KIF1B: variants seen among roughly 807,000 people sequenced by gnomAD.
KIF1B encodes kinesin family member 1B.
In KIF1B, 76 loss-of-function variants were observed where a neutral mutation model predicts 241.9. The observed-to-expected ratio is 0.31, with a 90% confidence interval of 0.26 to 0.38. The LOEUF is 0.38. Among genes scored for constraint, KIF1B ranks in the 10% least tolerant of loss-of-function variants. The pLI is 1.00. For missense variants in KIF1B, 1,622 were observed against 2,271.4 expected (o/e 0.71, Z 5.81); for synonymous variants, 750 against 796.7 (o/e 0.94, Z 0.99).
At chr1:10,359,198 C>T (rs1337685584) in intron 38 of KIF1B, among the ~76,000 whole-genome samples, 1 of 152,148 alleles carries the variant, frequency 6.6e-6, no homozygotes, top group African/African-American at 2.4e-5. Context: ...GGAGGATATG[C>T]CAGCTACTTA....
rs776937817 is a variant in KIF1B at position 10,337,328 on chromosome 1, T to A, written c.3260-43T>A. The A allele has an allele frequency of 6.2e-7, 1 of 1,613,914 alleles. No individual in the cohort carries two copies. The highest frequency in any genetic ancestry group is 8.5e-7 in the Non-Finnish European group (1 of 1,179,744). On this transcript the variant is annotated intron_variant, in intron 30 of 48. Coordinates refer to ENST00000676179, the MANE Select transcript of KIF1B (RefSeq NM_001365951.3). The surrounding 1 kb of genome is among the most constrained non-coding windows in gnomAD (Gnocchi z 4.0). Reference sequence around the variant, plus strand: ...AAAGCATGCCCAACTCCCTCCTCTTTGCATTATTTGAACCATCTGTGTCTT... The same window carrying A: ...AAAGCATGCCCAACTCCCTCCTCTTAGCATTATTTGAACCATCTGTGTCTT...
chr1:10,282,882 A>G (rs1327091011), intron 15 of KIF1B, among the ~76,000 whole-genome samples: 1 of 151,420 alleles, frequency 6.6e-6, no homozygotes, highest in Non-Finnish European at 1.5e-5. Flanking sequence ...GAAAGATGGA[A>G]TTCTGTGTAG....
intron 15 of KIF1B, among the ~76,000 whole-genome samples, chr1:10,289,850 C>CA (rs1553165231): frequency 6.6e-6 from 1 of 152,150 alleles, no homozygotes; most frequent in Non-Finnish European, 1.5e-5. Context: ...CACCACTGTA[C>CA]GCTAGCCTGG....
chr1:10,282,640 G>A, intron 15 of KIF1B, 107 bp downstream of exon 15: 1 of 944,346 alleles, frequency 1.1e-6, no homozygotes, highest in African/African-American at 1.6e-5. Context: ...AGAACTCTTT[G>A]ACTCTTAGAA....
chr1:10,234,152 G>A (rs971051104), intron 2 of KIF1B, among the ~76,000 whole-genome samples: 1 of 151,904 alleles, frequency 6.6e-6, no homozygotes, highest in Non-Finnish European at 1.5e-5. Flanking sequence ...TTGCAAGTTT[G>A]CTGTAATGTT....
chr1:10,337,681 C>G lies in KIF1B; in HGVS notation c.3422+148C>G, dbSNP rs1430344925. The G allele has an allele frequency of 1.1e-6, 1 of 925,804 alleles. No homozygotes were observed. The highest frequency in any genetic ancestry group is 1.6e-6 in the Non-Finnish European group (1 of 608,524). The allele number at this position is 925,804 out of a possible 1,614,324, so 57.3% of individuals were successfully genotyped here. ...CTGAAGGAAAATACTTTCATCACTC[C>G]TATGGGAGTGAGAACCAGAAACCTG... On this transcript the variant is annotated intron_variant, in intron 31 of 48. Coordinates refer to ENST00000676179, the MANE Select transcript of KIF1B (RefSeq NM_001365951.3). This position sits in a 1 kb window ranked among gnomAD's most constrained non-coding sequence, Gnocchi z 4.0.
rs1366230436 is a variant in KIF1B, at chr1:10,352,619, C to G, written c.3950-12C>G. ...TGTGTCCGTGCTCTGTTTTTTTTAT[C>G]CTTTCTTTTAGGTCGTATTCGGAAT... On this transcript the variant is annotated splice_polypyrimidine_tract_variant and intron_variant, in intron 37 of 48. Transcript: ENST00000676179. The G allele has an allele frequency of 6.2e-7, 1 of 1,603,114 alleles. No homozygotes were observed.
rs879403654 is a variant in KIF1B at position 10,313,887 on chromosome 1, A to AATT, written c.2116-6136_2116-6134dup. 6.4e-3 allele frequency among the ~76,000 whole-genome samples: 953 copies of AATT among 148,012 alleles called. 11 individuals are homozygous for AATT. Among genetic ancestry groups the AATT allele is most frequent in the Non-Finnish European group, 8.2e-3 (552 of 67,376 alleles). On this transcript the variant is annotated intron_variant, in intron 22 of 48. Transcript: ENST00000676179. ...TATAAACATAAATGTCTACTGAAAA[A>AATT]ATTATTATTATTATTATTATTACTG... is the stretch of plus-strand genomic sequence containing the variant.
At chr1:10,223,436 G>T (rs1646869994) in intron 1 of KIF1B, among the ~76,000 whole-genome samples, 1 of 151,856 alleles carries the variant, frequency 6.6e-6, no homozygotes, top group South Asian at 2.1e-4. Context: ...GTAGAGAAGT[G>T]ACAGAATAAC....
In KIF1B at chr1:10,379,867, G is replaced by A. The variant is rs968005025; in HGVS notation, c.*3280G>A. 5 of 229,518 alleles carry A rather than the reference G, an allele frequency of 2.2e-5. No homozygotes were observed. The highest frequency in any genetic ancestry group is 6.7e-5 in the African/African-American group (3 of 45,088). 14.2% of individuals were successfully genotyped at this position (229,518 alleles called of 1,614,324 possible). A position where few individuals can be genotyped will look rare whatever the true frequency, so the allele number is the denominator to read the frequency against. On this transcript the variant is annotated 3_prime_UTR_variant, in exon 49 of 49. Transcript: ENST00000676179. ...CTGTGCAGGGCCAGCCAGCCCATGC[G>A]CTAGTCAGGAGCACAGGCAAGGGGT...
rs775328436 is a variant in KIF1B at position 10,337,078 on chromosome 1, A to G, written c.3134A>G (p.Asp1045Gly). The G allele has an allele frequency of 3.1e-6, 5 of 1,613,976 alleles. No homozygotes were observed. The East Asian group carries it at 1.1e-4, about 36-fold the overall frequency. The change falls in exon 30 of 49, where the codon GAC becomes GGC. Residue 1045 changes from aspartate (D) to glycine (G), a missense_variant. Physicochemically the swap from Asp to Gly is moderately conservative, Grantham distance 94 (BLOSUM62 -1). This residue lies in a region of KIF1B where 803 missense variants were observed against 1,112.0 expected (regional missense o/e 0.72). Transcript: ENST00000676179. This position sits in a 1 kb window ranked among gnomAD's most constrained non-coding sequence, Gnocchi z 4.0. ...CTGCCCCTGCCTTTTTTTCAGAGTG[A>G]CTTTTCGTCTGTTGCAATGACTCGT... The part of the protein sequence containing the change: ...SFDNEYFNQS[D>G]FSSVAMTRSG...
At chr1:10,211,198 TC>T (rs1489986044) in intron 1 of KIF1B, among the ~76,000 whole-genome samples, 1 of 152,222 alleles carries the variant, frequency 6.6e-6, no homozygotes, top group Non-Finnish European at 1.5e-5. Context: ...TTCCCTGGGC[TC>T]CGCGCACGTT....
Position 10,282,382 on chromosome 1 carries a change from C to G in KIF1B, c.1283C>G (p.Pro428Arg), listed in dbSNP as rs771375467. ...TTGCTAGCCTCTGAGAATCAACGCCCTGGCCATTTTTCCACAGCATCCATG... is the reference window on the plus strand; with the variant it reads ...TTGCTAGCCTCTGAGAATCAACGCCGTGGCCATTTTTCCACAGCATCCATG... ...RYLLASENQR[P>R]GHFSTASMGS... Residue 428 changes from proline to arginine, a missense_variant, in exon 15 of 49, where the codon CCT becomes CGT. Around this residue, in one of 7 missense-constraint regions of KIF1B, gnomAD observed 201 missense variants for 301.2 expected, o/e 0.67. Coordinates refer to ENST00000676179, the MANE Select transcript of KIF1B (RefSeq NM_001365951.3). 25 of 1,614,060 alleles carry G rather than the reference C, an allele frequency of 1.5e-5. No homozygotes were observed. The highest frequency in any genetic ancestry group is 2.7e-5 in the African/African-American group (2 of 74,904).
intron 2 of KIF1B, among the ~76,000 whole-genome samples, chr1:10,236,348 T>C (rs1213213305): frequency 6.6e-6 from 1 of 152,244 alleles, no homozygotes; most frequent in Non-Finnish European, 1.5e-5. Flanking sequence ...GAATTGTAGC[T>C]TATTACAGCT....
intron 1 of KIF1B, among the ~76,000 whole-genome samples, chr1:10,227,032 CTTTTTTTTTTT>C (rs747870005): frequency 1.8e-5 from 2 of 112,942 alleles, no homozygotes; most frequent in Admixed American, 1.0e-4. Context: ...GCAAGTCTCT[CTTTTTTTTTTT>C]TTTTTTTTTT....
intron 27 of KIF1B, among the ~76,000 whole-genome samples, chr1:10,333,918 C>T (rs1025002579): frequency 6.6e-6 from 1 of 151,374 alleles, no homozygotes; most frequent in East Asian, 2.0e-4. Context: ...TTTGGGAGGC[C>T]GAGGCGGGTG....
intron 41 of KIF1B, among the ~76,000 whole-genome samples, chr1:10,364,227 C>CA (rs1230629679): frequency 8.8e-6 from 1 of 113,922 alleles, no homozygotes; most frequent in Non-Finnish European, 1.7e-5. Flanking sequence ...TTTTTTGAGA[C>CA]AGAGTCTCGC....
At chr1:10,314,301 G>T (rs890951545) in intron 22 of KIF1B, among the ~76,000 whole-genome samples, 1 of 151,642 alleles carries the variant, frequency 6.6e-6, no homozygotes, top group Non-Finnish European at 1.5e-5. Context: ...ATGATATACA[G>T]TGTCCTTTTT....
At position 10,374,933 on chromosome 1, in the gene KIF1B, C is replaced by G; in HGVS notation, c.5176C>G (p.Arg1726Gly). Residue 1726 changes from arginine (R) to glycine (G), a missense_variant, in exon 47 of 49, where the codon CGT (arginine) becomes GGT (glycine). By Grantham distance (125) the Arg-to-Gly change is moderately radical (BLOSUM62 -2). Around this residue, in one of 7 missense-constraint regions of KIF1B, gnomAD observed 357 missense variants for 409.0 expected, o/e 0.87. Transcript: ENST00000676179. The surrounding 1 kb of genome is among the most constrained non-coding windows in gnomAD (Gnocchi z 4.3). Reference sequence around the variant, plus strand: ...CTGGGCTAAACATTTTGTTGTCGTCCGTCGGCCTTATGTCTTCATCTATAA... The same window carrying G: ...CTGGGCTAAACATTTTGTTGTCGTCGGTCGGCCTTATGTCTTCATCTATAA... ...SNWAKHFVVV[R>G]RPYVFIYNSD... 1 of 1,614,018 alleles carries G rather than the reference C, an allele frequency of 6.2e-7. No individual in the cohort carries two copies. The highest frequency in any genetic ancestry group is 8.5e-7 in the Non-Finnish European group (1 of 1,179,994).
Sources: gnomAD v4.1 joint callset for allele counts (sites outside exome capture counted in the v4.1 genomes callset) on GRCh38, gnomAD v4.1.1 for gene constraint, gnomAD v4.1.1 regional missense constraint, Gnocchi (gnomAD v3.1) non-coding constraint, MANE v1.5 for transcripts, NCBI Gene and HGNC (gene_info 2026-07-23, HGNC 2026-07-21) for gene names.